C9orf85: variants seen among roughly 807,000 people sequenced by gnomAD.
C9orf85 encodes the protein uncharacterized protein C9orf85.
Under a neutral mutation model 14.9 loss-of-function variants are expected in C9orf85, and 16 were observed. The ratio of observed to expected loss-of-function variants is 1.08; its 90% confidence interval spans 0.73 to 1.63. The LOEUF (loss-of-function observed/expected upper bound fraction) is 1.63, where lower values mean the gene tolerates loss of function less well. Among genes scored for constraint, C9orf85 ranks in the 40% most tolerant of loss-of-function variants. The pLI is 0.00. For synonymous variants in C9orf85, 45 were observed against 56.8 expected (o/e 0.79, Z 0.93); for missense variants, 172 against 186.1 (o/e 0.92, Z 0.44).
chr9:71,968,822 C>T (rs902379311), intron 2 of C9orf85, among the ~76,000 whole-genome samples: 8 of 152,132 alleles, frequency 5.3e-5, no homozygotes, highest in Non-Finnish European at 8.8e-5. Flanking sequence ...ACTGCTGTGT[C>T]GTTCCCCTAT....
downstream of C9orf85, among the ~76,000 whole-genome samples, chr9:71,977,826 ACACT>A (rs1439710245): frequency 2.6e-5 from 4 of 152,180 alleles, no homozygotes; most frequent in African/African-American, 9.7e-5. Context: ...TTTACTGGCT[ACACT>A]GATGGAATCT....
chr9:71,936,479 A>T (rs141039362), intron 1 of C9orf85, among the ~76,000 whole-genome samples: 2 of 151,102 alleles, frequency 1.3e-5, no homozygotes, highest in Non-Finnish European at 2.9e-5. Flanking sequence ...CAGGAAAGAC[A>T]TATTATTTCT....
Position 71,925,588 on chromosome 9 carries a change from G to A in C9orf85, c.102+13752G>A, listed in dbSNP as rs142330464. 8.7e-3 allele frequency among the ~76,000 whole-genome samples: 1,322 copies of A among 152,286 alleles called. 17 individuals are homozygous for A. Among genetic ancestry groups the A allele is most frequent in the African/African-American group, 0.029 (1,225 of 41,552 alleles). On this transcript the variant is annotated intron_variant, in intron 1 of 3. Coordinates refer to ENST00000334731, the MANE Select transcript of C9orf85 (RefSeq NM_182505.5). ...GAAGCTGGAGGAGACGGTGGACTCCGTTGTCCAATCAGACTCTCTTGGGAA... is the reference window on the plus strand; with the variant it reads ...GAAGCTGGAGGAGACGGTGGACTCCATTGTCCAATCAGACTCTCTTGGGAA...
Position 71,971,594 on chromosome 9 carries a change from G to GA in C9orf85, c.302dup (p.Lys102GlufsTer10), listed in dbSNP as rs773224307. ...GAACTTGAAGTTTGCGCAAAATGTG[G>GA]AAAGAAAGAAGACATTGTTATTCCG... On this transcript the variant is annotated frameshift_variant, in exon 3 of 4. Coordinates refer to ENST00000334731, the MANE Select transcript of C9orf85 (RefSeq NM_182505.5). LOFTEE classifies it low-confidence loss of function (END_TRUNC). The GA allele has an allele frequency of 6.2e-7, 1 of 1,610,082 alleles. No homozygotes were observed. The highest frequency in any genetic ancestry group is 1.1e-5 in the South Asian group (1 of 90,888).
At chr9:71,962,524 G>A (rs535012546) in intron 2 of C9orf85, among the ~76,000 whole-genome samples, 11 of 152,284 alleles carry the variant, frequency 7.2e-5, no homozygotes, top group African/African-American at 1.7e-4. Context: ...AAAGTACCTC[G>A]TCATCACATA....
rs1266095813 is a variant in C9orf85, at chr9:71,947,107, A to G, written c.204A>G (p.Lys68=). The G allele has an allele frequency of 1.2e-6, 2 of 1,607,370 alleles. No individual in the cohort carries two copies. The highest frequency in any genetic ancestry group is 1.7e-6 in the Non-Finnish European group (2 of 1,174,794). Residue 68 remains lysine, a synonymous_variant, in exon 2 of 4, where the codon AAA becomes AAG. Coordinates refer to ENST00000334731, the MANE Select transcript of C9orf85 (RefSeq NM_182505.5). ...AATACAAACCATTATCAAAACCTAA[A>G]AAGTGGTGAGTTAAGATTCTTCATT... The part of the protein sequence containing the change: ...YSKYKPLSKP[K]KCVKCLQKTV...
chr9:71,934,064 C>T lies in C9orf85; in HGVS notation c.103-12942C>T, dbSNP rs561458428. Among the ~76,000 whole-genome samples, 406 of 152,272 alleles carry T rather than the reference C, an allele frequency of 2.7e-3. 2 individuals are homozygous for T. The highest frequency in any genetic ancestry group is 8.7e-3 in the African/African-American group (361 of 41,560). On this transcript the variant is annotated intron_variant, in intron 1 of 3. Transcript: ENST00000334731. ...CTGCCTTTAAAAACCATTACCTGGG[C>T]TGGGCATGGTGGCTCATGCCTGTAA...
intron 1 of C9orf85, among the ~76,000 whole-genome samples, chr9:71,919,707 G>A (rs1488656934): frequency 3.3e-5 from 5 of 152,082 alleles, no homozygotes; most frequent in Non-Finnish European, 5.9e-5. Context: ...ATGCTTTGAA[G>A]AATTGTAATC....
downstream of C9orf85, chr9:71,985,220 G>A (rs1166419230): frequency 6.6e-6 from 1 of 152,118 alleles, no homozygotes; most frequent in Non-Finnish European, 1.5e-5. Context: ...GCTTCAAATG[G>A]CATAACATTC....
chr9:71,944,226 T>G (rs911953622), intron 1 of C9orf85, among the ~76,000 whole-genome samples: 1 of 68,192 alleles, frequency 1.5e-5, no homozygotes, highest in Non-Finnish European at 3.3e-5. Context: ...AGAGTGAGAC[T>G]CTGTCTCAAA....
chr9:71,941,295 T>C (rs980399531), intron 1 of C9orf85, among the ~76,000 whole-genome samples: 5 of 152,148 alleles, frequency 3.3e-5, no homozygotes, highest in Admixed American at 2.6e-4. Context: ...ATGGCCTCCA[T>C]AGATTATTGT....
chr9:71,941,543 C>T (rs1589256157), intron 1 of C9orf85, among the ~76,000 whole-genome samples: 1 of 152,290 alleles, frequency 6.6e-6, no homozygotes, highest in Middle Eastern at 3.4e-3. Flanking sequence ...AGTTAAATTA[C>T]AGCATGAGAA....
intron 1 of C9orf85, among the ~76,000 whole-genome samples, chr9:71,914,565 A>G (rs1417661896): frequency 6.6e-6 from 1 of 152,148 alleles, no homozygotes; most frequent in Non-Finnish European, 1.5e-5. Flanking sequence ...CTGCAATTAG[A>G]AGTTGGATAA....
intron 1 of C9orf85, among the ~76,000 whole-genome samples, chr9:71,923,776 A>T (rs1264968411): frequency 6.6e-6 from 1 of 152,154 alleles, no homozygotes; most frequent in Non-Finnish European, 1.5e-5. Context: ...ATTACCGTAG[A>T]TGAAACTATC....
chr9:71,951,968 CATT>C (rs1822254661), intron 2 of C9orf85, among the ~76,000 whole-genome samples: 1 of 151,980 alleles, frequency 6.6e-6, no homozygotes, highest in Admixed American at 6.6e-5. Flanking sequence ...ACTTAAAAGT[CATT>C]ATAGACATTT....
downstream of C9orf85, among the ~76,000 whole-genome samples, chr9:71,975,816 G>A (rs541452012): frequency 6.6e-6 from 1 of 152,342 alleles, no homozygotes; most frequent in East Asian, 1.9e-4. Flanking sequence ...TGGGGAACAA[G>A]AGTGAAACTC....
chr9:71,918,907 C>G (rs1827723211), intron 1 of C9orf85, among the ~76,000 whole-genome samples: 1 of 152,000 alleles, frequency 6.6e-6, no homozygotes, highest in Admixed American at 6.6e-5. Context: ...TGAATCATCC[C>G]AAAGCCACCC....
At chr9:71,946,498 A>T (rs574862972) in intron 1 of C9orf85, among the ~76,000 whole-genome samples, 8 of 152,248 alleles carry the variant, frequency 5.3e-5, no homozygotes, top group African/African-American at 1.9e-4. Context: ...AAGGTTAAAA[A>T]TTTTCTAGAT....
At chr9:71,983,705 T>A (rs1823151046), downstream of C9orf85, 5 of 152,230 alleles carry the variant, frequency 3.3e-5, no homozygotes, top group South Asian at 1.0e-3. Context: ...AAAGAACACG[T>A]AATCTGGTAC....
Sources: gnomAD v4.1 joint callset for allele counts (sites outside exome capture counted in the v4.1 genomes callset) on GRCh38, gnomAD v4.1.1 for gene constraint, MANE v1.5 for transcripts, NCBI Gene and HGNC (gene_info 2026-07-23, HGNC 2026-07-21) for gene names.